PLXDC2: variants seen among roughly 807,000 people sequenced by gnomAD.
PLXDC2 encodes plexin domain containing 2.
A neutral mutation model predicts 68.9 loss-of-function variants in PLXDC2; 40 were observed. That is an observed-to-expected ratio of 0.58 (90% CI 0.45 to 0.76). The LOEUF (loss-of-function observed/expected upper bound fraction) is 0.76. Among genes scored for constraint, PLXDC2 ranks in the 30% least tolerant of loss-of-function variants. PLXDC2 has a pLI of 0.00. For synonymous variants in PLXDC2, 243 were observed against 234.2 expected (o/e 1.04, Z -0.34); for missense variants, 644 against 661.9 (o/e 0.97, Z 0.30).
At position 19,819,031 on chromosome 10, in the gene PLXDC2, TACAC is replaced by T. The variant is rs63295361; in HGVS notation, c.112+1870_112+1873del. On this transcript the variant is annotated intron_variant, in intron 1 of 13. Coordinates refer to ENST00000377252, the MANE Select transcript of PLXDC2 (RefSeq NM_032812.9). The stretch of plus-strand genomic sequence containing the variant: ...CGTTACTGAAAAAAGAATATATGTA[TACAC>T]ACACACACACACACACACACACACA... Among the ~76,000 whole-genome samples the T allele has an allele frequency of 9.7e-3, 1,430 of 147,684 alleles. 8 individuals carry two copies. The highest frequency in any genetic ancestry group is 0.017 in the Middle Eastern group (5 of 290).
chr10:20,122,584 C>T (rs1833714451), intron 4 of PLXDC2, among the ~76,000 whole-genome samples: 1 of 152,234 alleles, frequency 6.6e-6, no homozygotes, highest in South Asian at 2.1e-4. Context: ...GGGCTGCAGG[C>T]ATTCCTTGGC....
At chr10:19,823,681 A>C (rs1225355977) in intron 1 of PLXDC2, among the ~76,000 whole-genome samples, 3 of 151,958 alleles carry the variant, frequency 2.0e-5, no homozygotes, top group Non-Finnish European at 2.9e-5. Flanking sequence ...AAAAAAAAAA[A>C]AATTCTCATA....
At chr10:19,974,214 TATGTC>T (rs1016809050) in intron 1 of PLXDC2, among the ~76,000 whole-genome samples, 1 of 152,228 alleles carries the variant, frequency 6.6e-6, no homozygotes, top group African/African-American at 2.4e-5. Context: ...TAGGATTACT[TATGTC>T]ATGTTTGCAT....
At chr10:19,861,879 A>G (rs1837325420) in intron 1 of PLXDC2, among the ~76,000 whole-genome samples, 1 of 152,176 alleles carries the variant, frequency 6.6e-6, no homozygotes, top group Non-Finnish European at 1.5e-5. Flanking sequence ...CTGCAGCTAC[A>G]TCAAGATCCT....
chr10:20,218,506 C>T (rs1260928558), intron 11 of PLXDC2, among the ~76,000 whole-genome samples: 1 of 152,042 alleles, frequency 6.6e-6, no homozygotes, highest in Non-Finnish European at 1.5e-5. Flanking sequence ...ATAATTTAAA[C>T]CCTACCCTTT....
At chr10:20,278,955 A>G (rs1406672397) in intron 13 of PLXDC2, among the ~76,000 whole-genome samples, 2 of 152,150 alleles carry the variant, frequency 1.3e-5, no homozygotes, top group African/African-American at 4.8e-5. Flanking sequence ...TGTAAATCAC[A>G]GGTTTGTTTG....
rs753547096 is a variant in PLXDC2, at chr10:20,289,797, T to G, written c.*9978T>G. ...AAGAATCATACCTCTGTATAGATCT[T>G]TTGGACTGTACTGATTAAACTTTGA... On this transcript the variant is annotated 3_prime_UTR_variant, in exon 14 of 14. Transcript: ENST00000377252. The G allele has an allele frequency of 2.6e-5, 4 of 152,170 alleles. No individual in the cohort carries two copies. The highest frequency in any genetic ancestry group is 5.9e-5 in the Non-Finnish European group (4 of 68,044). 9.4% of individuals were successfully genotyped at this position (152,170 alleles called of 1,614,324 possible). A position where few individuals can be genotyped will look rare whatever the true frequency, so the allele number is the denominator to read the frequency against.
At chr10:19,870,370 T>A (rs72784142) in intron 1 of PLXDC2, among the ~76,000 whole-genome samples, 12,920 of 152,272 alleles carry the variant, frequency 0.085, 634 homozygotes, top group Middle Eastern at 0.18. Context: ...GCAAATGCTT[T>A]TATCGTTTCC....
chr10:20,123,773 G>C (rs1322145273), intron 4 of PLXDC2, among the ~76,000 whole-genome samples: 1 of 151,932 alleles, frequency 6.6e-6, no homozygotes, highest in Non-Finnish European at 1.5e-5. Context: ...ACGGAAATAA[G>C]GGATTGGGGC....
At chr10:20,192,800 C>G (rs1467899054) in intron 9 of PLXDC2, among the ~76,000 whole-genome samples, 1 of 151,928 alleles carries the variant, frequency 6.6e-6, no homozygotes, top group African/African-American at 2.4e-5. Context: ...CCTAAGTTAT[C>G]TAAAATAACA....
intron 1 of PLXDC2, among the ~76,000 whole-genome samples, chr10:19,895,898 T>TAA (rs1838048885): frequency 6.6e-6 from 1 of 152,034 alleles, no homozygotes; most frequent in Non-Finnish European, 1.5e-5. Context: ...TCAGCCTGGG[T>TAA]GACAGAGCAA....
intron 13 of PLXDC2, among the ~76,000 whole-genome samples, chr10:20,279,078 C>T (rs1051884251): frequency 1.3e-5 from 2 of 152,126 alleles, no homozygotes; most frequent in South Asian, 4.1e-4. Flanking sequence ...ATTGGCCACA[C>T]CCTCTGATAA....
chr10:20,136,194 G>A (rs555120484), intron 4 of PLXDC2, among the ~76,000 whole-genome samples: 19 of 152,250 alleles, frequency 1.2e-4, no homozygotes, highest in Admixed American at 1.2e-3. Flanking sequence ...GAACTATGTG[G>A]TCTACTACCA....
chr10:19,974,003 A>G (rs137886319), intron 1 of PLXDC2, among the ~76,000 whole-genome samples: 3 of 152,334 alleles, frequency 2.0e-5, no homozygotes, highest in Admixed American at 2.0e-4. Flanking sequence ...AATTACTTTG[A>G]TTACGCTAAA....
chr10:20,200,159 A>T (rs2131847003), intron 9 of PLXDC2, among the ~76,000 whole-genome samples: 1 of 151,992 alleles, frequency 6.6e-6, no homozygotes, highest in South Asian at 2.1e-4. Context: ...AAAAAATAGT[A>T]TTAAAGGGAA....
chr10:20,052,878 C>T (rs560348288), intron 3 of PLXDC2, among the ~76,000 whole-genome samples: 3 of 152,204 alleles, frequency 2.0e-5, no homozygotes, highest in Admixed American at 6.6e-5. Context: ...ACTTCCCACA[C>T]ACTTCCCTCC....
intron 1 of PLXDC2, among the ~76,000 whole-genome samples, chr10:19,851,805 C>T (rs1341467197): frequency 6.6e-6 from 1 of 152,200 alleles, no homozygotes; most frequent in African/African-American, 2.4e-5. Context: ...TCCTTGGCCT[C>T]CCAAAGTGCT....
intron 1 of PLXDC2, among the ~76,000 whole-genome samples, chr10:19,838,966 A>T (rs1836851142): frequency 6.6e-6 from 1 of 152,048 alleles, no homozygotes; most frequent in Non-Finnish European, 1.5e-5. Context: ...CCAGTGGATC[A>T]CCTAAGGCCA....
intron 4 of PLXDC2, among the ~76,000 whole-genome samples, chr10:20,130,942 T>C (rs1833859137): frequency 6.6e-6 from 1 of 152,206 alleles, no homozygotes; most frequent in Non-Finnish European, 1.5e-5. Context: ...AGTTTTCTTT[T>C]ATTGTAACGT....
Sources: gnomAD v4.1 joint callset for allele counts (sites outside exome capture counted in the v4.1 genomes callset) on GRCh38, gnomAD v4.1.1 for gene constraint, MANE v1.5 for transcripts, NCBI Gene and HGNC (gene_info 2026-07-23, HGNC 2026-07-21) for gene names.